The following MAML2 variants were observed in gnomAD, a reference collection of about 807,000 sequenced individuals.
MAML2 encodes mastermind-like protein 2.
In MAML2, 22 loss-of-function variants were observed where a neutral mutation model predicts 96.1. The ratio of observed to expected loss-of-function variants is 0.23; its 90% CI spans 0.16 to 0.33. MAML2 has a LOEUF of 0.33. Ranked by LOEUF, MAML2 falls within the 10% of genes least tolerant of loss-of-function variation. The pLI is 1.00. For missense variants in MAML2, 1,367 were observed against 1,392.4 expected (o/e 0.98, Z 0.29); for synonymous variants, 561 against 521.3 (o/e 1.08, Z -1.04).
intron 1 of MAML2, among the ~76,000 whole-genome samples, chr11:96,282,938 T>G (rs1357437977): frequency 6.6e-6 from 1 of 152,202 alleles, no homozygotes; most frequent in Non-Finnish European, 1.5e-5. Context: ...AAGGCCACTT[T>G]CTAGCAGACA....
intron 2 of MAML2, among the ~76,000 whole-genome samples, chr11:96,002,911 G>T (rs111068679): frequency 0.21 from 28,982 of 136,522 alleles, 3,856 homozygotes; most frequent in East Asian, 0.35. Context: ...TGATGAGAAA[G>T]ATGATGGGGA....
At chr11:96,186,685 A>C (rs1364829585) in intron 1 of MAML2, among the ~76,000 whole-genome samples, 15 of 152,224 alleles carry the variant, frequency 9.9e-5, no homozygotes. Context: ...TTTTATTTTC[A>C]CAACTCCACT....
At chr11:96,330,955 G>A (rs1278899349) in intron 1 of MAML2, among the ~76,000 whole-genome samples, 4 of 152,136 alleles carry the variant, frequency 2.6e-5, no homozygotes, top group Non-Finnish European at 5.9e-5. Flanking sequence ...TGGGGTGGAA[G>A]GGATCATTGT....
At chr11:96,070,158 C>A (rs554395689) in intron 2 of MAML2, among the ~76,000 whole-genome samples, 4 of 151,490 alleles carry the variant, frequency 2.6e-5, no homozygotes, top group African/African-American at 9.7e-5. Context: ...GGCGTGGTGG[C>A]GGGCGCCTGT....
intron 1 of MAML2, among the ~76,000 whole-genome samples, chr11:96,290,690 C>T (rs543524500): frequency 1.8e-4 from 28 of 152,218 alleles, no homozygotes; most frequent in African/African-American, 5.3e-4. Context: ...TTCTTACTTT[C>T]GAAAATTAGA....
chr11:96,240,154 TTAAAA>T (rs1862413376), intron 1 of MAML2, among the ~76,000 whole-genome samples: 1 of 152,218 alleles, frequency 6.6e-6, no homozygotes, highest in African/African-American at 2.4e-5. Context: ...TAAATCACCA[TTAAAA>T]TAAACCATTT....
At chr11:96,241,214 C>G (rs1002131994) in intron 1 of MAML2, among the ~76,000 whole-genome samples, 2 of 152,234 alleles carry the variant, frequency 1.3e-5, no homozygotes, top group African/African-American at 4.8e-5. Context: ...ACATTGTCTT[C>G]TCAGCATCAA....
intron 2 of MAML2, among the ~76,000 whole-genome samples, chr11:96,042,729 C>T (rs1858835215): frequency 6.7e-6 from 1 of 149,832 alleles, no homozygotes; most frequent in African/African-American, 2.5e-5. Context: ...TTGTTACCAA[C>T]CAATCGTTAA....
At chr11:96,179,004 G>A (rs1200296316) in intron 1 of MAML2, among the ~76,000 whole-genome samples, 1 of 152,088 alleles carries the variant, frequency 6.6e-6, no homozygotes, top group African/African-American at 2.4e-5. Flanking sequence ...CTGTACACGT[G>A]CCTGAATTTG....
chr11:96,021,953 G>T (rs1050794811), intron 2 of MAML2, among the ~76,000 whole-genome samples: 1 of 152,142 alleles, frequency 6.6e-6, no homozygotes, highest in African/African-American at 2.4e-5. Flanking sequence ...GTAAGGCTTT[G>T]CCTCTGTTCT....
chr11:96,239,084 C>T lies in MAML2; in HGVS notation c.513+102299G>A, dbSNP rs141878289. Reference sequence around the variant, plus strand: ...CAACCAAAGATGGGAATCACACTAACATTTTAAAGTCAGAATTGGTCCATT... The same window carrying T: ...CAACCAAAGATGGGAATCACACTAATATTTTAAAGTCAGAATTGGTCCATT... On this transcript the variant is annotated intron_variant, in intron 1 of 4. Transcript: ENST00000524717. Among the ~76,000 whole-genome samples, 11 of 152,360 alleles carry T rather than the reference C, an allele frequency of 7.2e-5. No individual in the cohort carries two copies. In the East Asian group the frequency reaches 1.9e-3, roughly 27 times the overall value.
intron 2 of MAML2, among the ~76,000 whole-genome samples, chr11:96,076,994 C>A (rs1003044765): frequency 4.6e-5 from 7 of 152,006 alleles, no homozygotes; most frequent in Non-Finnish European, 8.8e-5. Flanking sequence ...CCCTTCCCCA[C>A]AAAATTGAAT....
intron 2 of MAML2, among the ~76,000 whole-genome samples, chr11:96,038,618 C>T (rs1373902843): frequency 6.6e-6 from 1 of 152,232 alleles, no homozygotes. Flanking sequence ...TTTGTATTTG[C>T]TGTTTCCTCT....
At chr11:96,086,272 C>T (rs915584898) in intron 2 of MAML2, among the ~76,000 whole-genome samples, 51 of 152,096 alleles carry the variant, frequency 3.4e-4, no homozygotes, top group Admixed American at 2.9e-3. Flanking sequence ...ATCATATGAA[C>T]GAATGAAGGC....
intron 1 of MAML2, among the ~76,000 whole-genome samples, chr11:96,118,270 TC>T (rs1333390021): frequency 6.6e-6 from 1 of 152,086 alleles, no homozygotes; most frequent in Non-Finnish European, 1.5e-5. Context: ...TGGCTCTGTG[TC>T]CCCAACCAAA....
chr11:95,993,343 G>T (rs1020785712), intron 2 of MAML2, among the ~76,000 whole-genome samples: 2 of 152,156 alleles, frequency 1.3e-5, no homozygotes, highest in Admixed American at 1.3e-4. Context: ...CGAGGCAGGT[G>T]GTTCACCTGA....
intron 1 of MAML2, among the ~76,000 whole-genome samples, chr11:96,240,051 T>C (rs1862412289): frequency 6.6e-6 from 1 of 152,196 alleles, no homozygotes; most frequent in South Asian, 2.1e-4. Flanking sequence ...AACTAATAAC[T>C]TTTTTCTTTG....
intron 1 of MAML2, among the ~76,000 whole-genome samples, chr11:96,159,130 C>T (rs1861057433): frequency 6.6e-6 from 1 of 152,054 alleles, no homozygotes; most frequent in African/African-American, 2.4e-5. Flanking sequence ...GTGGAAAGAA[C>T]AGCAGAAATA....
intron 1 of MAML2, among the ~76,000 whole-genome samples, chr11:96,209,126 T>G (rs16923281): frequency 0.013 from 2,033 of 151,060 alleles, 53 homozygotes; most frequent in African/African-American, 0.047. Context: ...ATTACTTAAG[T>G]GTGTGACAAA....
Sources: gnomAD v4.1 joint callset for allele counts (sites outside exome capture counted in the v4.1 genomes callset) on GRCh38, gnomAD v4.1.1 for gene constraint, MANE v1.5 for transcripts, NCBI Gene and HGNC (gene_info 2026-07-23, HGNC 2026-07-21) for gene names.